Variants in ESR2 observed in about 807,000 individuals in gnomAD.
ESR2 encodes the protein estrogen receptor 2, also known as estrogen receptor beta.
ESR2 carries 36 observed loss-of-function variants against 49.6 expected under a neutral mutation model. The ratio of observed to expected loss-of-function variants is 0.73; its 90% CI spans 0.56 to 0.96. The LOEUF is 0.96. Among genes scored for constraint, ESR2 ranks in the 40% least tolerant of loss-of-function variants. The pLI, the probability that ESR2 is intolerant of heterozygous loss-of-function variation, is 0.00. For synonymous variants in ESR2, 320 were observed against 266.1 expected (o/e 1.20, Z -1.97); for missense variants, 714 against 693.0 (o/e 1.03, Z -0.34).
intron 1 of ESR2, among the ~76,000 whole-genome samples, chr14:64,286,179 C>A (rs993718921): frequency 6.6e-6 from 1 of 152,006 alleles, no homozygotes; most frequent in Non-Finnish European, 1.5e-5. Flanking sequence ...CATTGTAAAT[C>A]AAAAATTTGG....
rs1313928555 is a variant in ESR2, at chr14:64,230,695, G to C, written c.*2442C>G. On this transcript the variant is annotated 3_prime_UTR_variant, in exon 9 of 9. Coordinates refer to ENST00000341099, the MANE Select transcript of ESR2 (RefSeq NM_001437.3). ...GTCACTATGAGACAGGCCTGACAGA[G>C]GGGTGCTGTGAGAACAGAGCGAGAT... is the stretch of plus-strand genomic sequence containing the variant. Among the ~76,000 whole-genome samples the C allele has an allele frequency of 6.6e-6, 1 of 151,756 alleles. No individual in the cohort carries two copies. The highest frequency in any genetic ancestry group is 2.4e-5 in the African/African-American group (1 of 41,300).
chr14:64,250,467 C>G (rs1031861184), intron 6 of ESR2, among the ~76,000 whole-genome samples: 2 of 152,202 alleles, frequency 1.3e-5, no homozygotes, highest in Non-Finnish European at 2.9e-5. Context: ...ATACCAGCTT[C>G]TATTCACTCC....
chr14:64,277,834 A>G (rs1183542399), intron 3 of ESR2, among the ~76,000 whole-genome samples: 2 of 152,122 alleles, frequency 1.3e-5, no homozygotes, highest in Non-Finnish European at 2.9e-5. Context: ...CTCTTTGCAC[A>G]TTTAGAATTT....
chr14:64,303,610 C>G (rs887101248), intron 1 of ESR2: 1 of 152,136 alleles, frequency 6.6e-6, no homozygotes, highest in Non-Finnish European at 1.5e-5. Flanking sequence ...TTCAGAATTT[C>G]TAAAGACTTT....
At position 64,240,376 on chromosome 14, in the gene ESR2, T is replaced by C. The variant is rs1039958720; in HGVS notation, c.1226-5226A>G. ...TAGAGAAGTTCGCAGCCTTTTGACTTAAGAGACCTACCCCCATTTCTCCTC... is the reference window on the plus strand; with the variant it reads ...TAGAGAAGTTCGCAGCCTTTTGACTCAAGAGACCTACCCCCATTTCTCCTC... On this transcript the variant is annotated intron_variant, in intron 7 of 8. Coordinates refer to ENST00000341099, the MANE Select transcript of ESR2 (RefSeq NM_001437.3). Among the ~76,000 whole-genome samples the C allele has an allele frequency of 3.9e-5, 6 of 152,316 alleles. No homozygotes were observed. In the East Asian group the frequency reaches 1.2e-3, roughly 29 times the overall value.
intron 1 of ESR2, among the ~76,000 whole-genome samples, chr14:64,331,417 C>T (rs1459408052): frequency 1.3e-5 from 2 of 152,212 alleles, no homozygotes; most frequent in East Asian, 3.8e-4. Flanking sequence ...TTTTGACACA[C>T]TTTTCTCAAT....
chr14:64,274,490 C>CT (rs1045299544), intron 3 of ESR2, among the ~76,000 whole-genome samples: 6 of 151,674 alleles, frequency 4.0e-5, no homozygotes, highest in East Asian at 1.9e-4. Context: ...ACTCTTCTAT[C>CT]TTTTTTTTAA....
At chr14:64,325,765 C>G (rs2077382031) in intron 1 of ESR2, among the ~76,000 whole-genome samples, 1 of 152,088 alleles carries the variant, frequency 6.6e-6, no homozygotes, top group Non-Finnish European at 1.5e-5. Flanking sequence ...TTATGATGAT[C>G]CACTTCCACT....
At chr14:64,292,126 G>A (rs1342662392) in intron 1 of ESR2, among the ~76,000 whole-genome samples, 1 of 152,064 alleles carries the variant, frequency 6.6e-6, no homozygotes, top group Non-Finnish European at 1.5e-5. Flanking sequence ...TTTCCCATTT[G>A]CAAATAGCAT....
chr14:64,260,136 A>G, intron 5 of ESR2: 1 of 580,454 alleles, frequency 1.7e-6, no homozygotes. Flanking sequence ...TATGGGATGC[A>G]TCTAGCCATG....
In ESR2 at chr14:64,243,883, C is replaced by T. The variant is rs1256058; in HGVS notation, c.1225+5663G>A. Among the ~76,000 whole-genome samples the T allele has an allele frequency of 2.0e-4, 30 of 152,302 alleles. No individual in the cohort carries two copies. The East Asian group carries it at 5.8e-3, about 29-fold the overall frequency. On this transcript the variant is annotated intron_variant, in intron 7 of 8. Coordinates refer to ENST00000341099, the MANE Select transcript of ESR2 (RefSeq NM_001437.3). ...GACTTGAAGAGGACTCTCCATAGATCTCCAAAATTCTTTGTGCAGCTCTTT... is the reference window on the plus strand; with the variant it reads ...GACTTGAAGAGGACTCTCCATAGATTTCCAAAATTCTTTGTGCAGCTCTTT...
chr14:64,234,659 G>C (rs980760931), intron 8 of ESR2: 10 of 490,532 alleles, frequency 2.0e-5, no homozygotes, highest in African/African-American at 1.9e-4. Flanking sequence ...GTAAACAGGG[G>C]TGGCAGTTCG....
rs557296130 is a variant in ESR2 at position 64,302,158 on chromosome 14, A to ATTTT, written c.-90-19087_-90-19084dup. On this transcript the variant is annotated intron_variant, in intron 1 of 8. Coordinates refer to the ESR2 transcript ENST00000358599. ...CACCTGGGTCACTTTTTTATTTTTT[A>ATTTT]TTTTTATTTATTTATTTATTTATTT... Among the ~76,000 whole-genome samples the ATTTT allele has an allele frequency of 6.2e-3, 703 of 113,274 alleles. 16 individuals are homozygous for ATTTT. Among genetic ancestry groups the ATTTT allele is most frequent in the African/African-American group, 0.024 (665 of 28,074 alleles). 74.3% of individuals were successfully genotyped at this position (113,274 alleles called of 152,430 possible). A position where few individuals can be genotyped will look rare whatever the true frequency, so the allele number is the denominator to read the frequency against.
intron 7 of ESR2, among the ~76,000 whole-genome samples, chr14:64,241,014 T>C (rs1221527137): frequency 3.3e-5 from 5 of 151,168 alleles, no homozygotes; most frequent in East Asian, 1.9e-4. Context: ...GGCGTGATGG[T>C]GGGCGCCTGT....
rs2098727259 is a variant in ESR2, at chr14:64,231,553, T to A, written c.*1584A>T. 1 of 152,236 alleles carries A rather than the reference T, an allele frequency of 6.6e-6. No individual in the cohort carries two copies. The highest frequency in any genetic ancestry group is 6.5e-5 in the Admixed American group (1 of 15,284). 9.4% of individuals were successfully genotyped at this position (152,236 alleles called of 1,614,324 possible). ...AGCTAAGCTCAACTTATAGTAAAAT[T>A]GCACCAATATCAAAATTATGGATTA... On this transcript the variant is annotated 3_prime_UTR_variant, in exon 9 of 9. Coordinates refer to ENST00000341099, the MANE Select transcript of ESR2 (RefSeq NM_001437.3).
chr14:64,318,525 G>A (rs1490190682), intron 1 of ESR2, among the ~76,000 whole-genome samples: 23 of 46,094 alleles, frequency 5.0e-4, no homozygotes, highest in Non-Finnish European at 8.1e-4. Context: ...CGACAAGAAC[G>A]AAACTCCATC....
At chr14:64,283,337 AAT>A (rs2076719416) in intron 1 of ESR2, among the ~76,000 whole-genome samples, 2 of 152,202 alleles carry the variant, frequency 1.3e-5, no homozygotes, top group South Asian at 4.1e-4. Context: ...TTTATTATAA[AAT>A]AGTCTTTAAA....
chr14:64,279,625 A>G (rs910303779), intron 3 of ESR2, among the ~76,000 whole-genome samples: 2 of 152,202 alleles, frequency 1.3e-5, no homozygotes, highest in Non-Finnish European at 2.9e-5. Context: ...AGCATGCTAT[A>G]TATTAAATTT....
intron 1 of ESR2, chr14:64,330,864 G>A (rs906298358): frequency 1.3e-5 from 2 of 151,110 alleles, no homozygotes; most frequent in African/African-American, 4.9e-5. Flanking sequence ...GGCTGAGGTT[G>A]CAGTTAGCCG....
Sources: allele counts gnomAD v4.1 joint callset (sites outside exome capture counted in the v4.1 genomes callset), GRCh38; gene constraint gnomAD v4.1.1; transcripts MANE v1.5; gene names NCBI Gene and HGNC (gene_info 2026-07-23, HGNC 2026-07-21).